The following RNF220 variants were observed in gnomAD, a reference collection of about 807,000 sequenced individuals.
The protein encoded by RNF220 is E3 ubiquitin-protein ligase RNF220.
Under a neutral mutation model 67.1 loss-of-function variants are expected in RNF220, and 7 were observed. The observed-to-expected ratio is 0.10, with a 90% confidence interval of 0.06 to 0.20. The LOEUF is 0.20. Among genes scored for constraint, RNF220 ranks in the 10% least tolerant of loss-of-function variants. The pLI is 1.00. For synonymous variants in RNF220, 270 were observed against 283.2 expected (o/e 0.95, Z 0.47); for missense variants, 565 against 740.3 (o/e 0.76, Z 2.75).
chr1:44,641,083 T>A (rs1333752315), intron 8 of RNF220, among the ~76,000 whole-genome samples: 1 of 151,926 alleles, frequency 6.6e-6, no homozygotes, highest in African/African-American at 2.4e-5. Flanking sequence ...CAGGAAGAAA[T>A]GAGTTTATGG....
intron 2 of RNF220, among the ~76,000 whole-genome samples, chr1:44,486,397 T>C (rs769542332): frequency 2.0e-4 from 30 of 152,214 alleles, no homozygotes; most frequent in Non-Finnish European, 4.1e-4. Context: ...CAGACATATG[T>C]TCTCTTCCCC....
In RNF220 at chr1:44,556,660, T is replaced by C. The variant is rs181242035; in HGVS notation, c.626-57505T>C. Reference sequence around the variant, plus strand: ...CTGCAAGCTCCGCCTCCCGGGTTCATGCCATTCTCCTGCCTCAGTCTCCCT... The same window carrying C: ...CTGCAAGCTCCGCCTCCCGGGTTCACGCCATTCTCCTGCCTCAGTCTCCCT... On this transcript the variant is annotated intron_variant, in intron 2 of 14. Coordinates refer to ENST00000361799, the MANE Select transcript of RNF220 (RefSeq NM_018150.4). Among the ~76,000 whole-genome samples, 748 of 151,246 alleles carry C rather than the reference T, an allele frequency of 4.9e-3. 7 individuals carry two copies. The highest frequency in any genetic ancestry group is 0.018 in the African/African-American group (727 of 40,790).
chr1:44,407,768 G>T (rs911817496), intron 1 of RNF220, among the ~76,000 whole-genome samples: 1 of 152,208 alleles, frequency 6.6e-6, no homozygotes, highest in African/African-American at 2.4e-5. Context: ...GTCCGTATTT[G>T]CAGGAGAAGC....
Position 44,555,757 on chromosome 1 carries a change from G to A in RNF220, c.626-58408G>A, listed in dbSNP as rs906492290. Among the ~76,000 whole-genome samples, 92 of 150,742 alleles carry A rather than the reference G, an allele frequency of 6.1e-4. 7 individuals carry two copies. Among genetic ancestry groups the A allele is most frequent in the African/African-American group, 2.2e-3 (87 of 40,336 alleles). Reference sequence around the variant, plus strand: ...CCCAAAGTGCTGAGATTACAGGCGTGAGCCACCGCGCCTGGCCTGAATGTA... The same window carrying A: ...CCCAAAGTGCTGAGATTACAGGCGTAAGCCACCGCGCCTGGCCTGAATGTA... On this transcript the variant is annotated intron_variant, in intron 2 of 14. Coordinates refer to ENST00000361799, the MANE Select transcript of RNF220 (RefSeq NM_018150.4).
intron 2 of RNF220, among the ~76,000 whole-genome samples, chr1:44,561,253 T>C (rs1177189829): frequency 6.6e-6 from 1 of 152,250 alleles, no homozygotes; most frequent in Admixed American, 6.5e-5. Flanking sequence ...GGCTCACGCC[T>C]GTAATCCCAG....
intron 2 of RNF220, among the ~76,000 whole-genome samples, chr1:44,597,014 A>G (rs1666546225): frequency 1.3e-5 from 2 of 152,230 alleles, no homozygotes; most frequent in African/African-American, 4.8e-5. Flanking sequence ...GATAAGGGAC[A>G]TGGAAAAAGA....
intron 2 of RNF220, among the ~76,000 whole-genome samples, chr1:44,603,994 C>G (rs140430100): frequency 6.6e-6 from 1 of 152,260 alleles, no homozygotes; most frequent in East Asian, 1.9e-4. Context: ...ATAAGCCCAT[C>G]GTCAGAACCA....
At chr1:44,587,336 C>T (rs1278310253) in intron 2 of RNF220, among the ~76,000 whole-genome samples, 1 of 151,848 alleles carries the variant, frequency 6.6e-6, no homozygotes, top group East Asian at 1.9e-4. Context: ...TTAGTGAAGA[C>T]AGGTTTCACC....
intron 12 of RNF220, among the ~76,000 whole-genome samples, chr1:44,646,784 G>A (rs1204478620): frequency 9.2e-5 from 14 of 152,224 alleles, no homozygotes; most frequent in Admixed American, 9.2e-4. Flanking sequence ...ATGAGGTGGA[G>A]ACTGGCTCAG....
chr1:44,598,426 C>T (rs1347305772), intron 2 of RNF220, among the ~76,000 whole-genome samples: 1 of 152,212 alleles, frequency 6.6e-6, no homozygotes, highest in Non-Finnish European at 1.5e-5. Flanking sequence ...CGTGAATTCT[C>T]CACGACACTA....
intron 2 of RNF220, among the ~76,000 whole-genome samples, chr1:44,482,994 G>A (rs752725518): frequency 2.2e-5 from 3 of 133,766 alleles, no homozygotes; most frequent in Non-Finnish European, 4.6e-5. Context: ...GCAGTGGAAC[G>A]ATCGTGGCTT....
chr1:44,413,022 G>T (rs1557900285), intron 2 of RNF220, among the ~76,000 whole-genome samples: 1 of 152,204 alleles, frequency 6.6e-6, no homozygotes, highest in Non-Finnish European at 1.5e-5. Flanking sequence ...ACGTACTGAA[G>T]TGAATGTCAT....
chr1:44,412,508 G>A lies in RNF220; in HGVS notation c.411G>A (p.Thr137=), dbSNP rs749991415. 18 of 1,613,606 alleles carry A rather than the reference G, an allele frequency of 1.1e-5. No individual in the cohort carries two copies. Among genetic ancestry groups the A allele is most frequent in the East Asian group, 4.5e-5 (2 of 44,884 alleles). ...GGGAGAGCTATCAGTCAGCCTTTAC[G>A]CCGGCCAAGCGACTTAAGAACTGCC... ...EDRESYQSAF[T]PAKRLKNCHD... is the part of the protein sequence containing the mutation. The change falls in exon 2 of 15, where the codon ACG becomes ACA. Residue 137 remains threonine (T), a synonymous_variant. Coordinates refer to ENST00000361799, the MANE Select transcript of RNF220 (RefSeq NM_018150.4). The surrounding 1 kb of genome is among the most constrained non-coding windows in gnomAD (Gnocchi z 5.3).
In RNF220 at chr1:44,412,844, A is replaced by G. The variant is rs1648112122; in HGVS notation, c.625+122A>G. 9.2e-7 allele frequency: 1 copy of G among 1,083,634 alleles called. No homozygotes were observed. The highest frequency in any genetic ancestry group is 1.3e-6 in the Non-Finnish European group (1 of 745,228). 67.1% of individuals were successfully genotyped at this position (1,083,634 alleles called of 1,614,324 possible). A position where few individuals can be genotyped will look rare whatever the true frequency, so the allele number is the denominator to read the frequency against. ...AGGAAGGGCCAACTACTTCCCTTTC[A>G]CTAGCTGTGGAGTGCTAACCTTTGC... On this transcript the variant is annotated intron_variant, in intron 2 of 14. Transcript: ENST00000361799. The surrounding 1 kb of genome is among the most constrained non-coding windows in gnomAD (Gnocchi z 5.3).
At chr1:44,571,121 A>C (rs1301413063) in intron 2 of RNF220, among the ~76,000 whole-genome samples, 1 of 151,716 alleles carries the variant, frequency 6.6e-6, no homozygotes, top group Non-Finnish European at 1.5e-5. Flanking sequence ...CTCTGCTCCT[A>C]ACTTTTCCAG....
intron 2 of RNF220, chr1:44,545,419 G>A (rs889003228): frequency 6.5e-6 from 1 of 154,298 alleles, no homozygotes; most frequent in Admixed American, 6.5e-5. Context: ...TTATCCTCAG[G>A]CACTCAGCAA....
intron 2 of RNF220, among the ~76,000 whole-genome samples, chr1:44,506,956 TC>T (rs1658487850): frequency 6.6e-6 from 1 of 152,164 alleles, no homozygotes; most frequent in South Asian, 2.1e-4. Flanking sequence ...CATCATGCCC[TC>T]AGGCCAAAGG....
rs183174478 is a variant in RNF220, at chr1:44,439,637, G to A, written c.625+26915G>A. Among the ~76,000 whole-genome samples, 1,233 of 152,082 alleles carry A rather than the reference G, an allele frequency of 8.1e-3. 5 individuals are homozygous for A. The highest frequency in any genetic ancestry group is 0.012 in the Non-Finnish European group (814 of 67,976). ...CCTTAAGTTTTTACTTTTTAACAAG[G>A]CATTTTATCATTTTTTTTTCCCTTT... On this transcript the variant is annotated intron_variant, in intron 2 of 14. Coordinates refer to ENST00000361799, the MANE Select transcript of RNF220 (RefSeq NM_018150.4).
chr1:44,628,220 G>A (rs72671950), intron 5 of RNF220, among the ~76,000 whole-genome samples: 6,508 of 152,258 alleles, frequency 0.043, 314 homozygotes, highest in African/African-American at 0.1. Context: ...CTGCACTCAC[G>A]GCATGCGCCT....
Sources: gnomAD v4.1 joint callset for allele counts (sites outside exome capture counted in the v4.1 genomes callset) on GRCh38, gnomAD v4.1.1 for gene constraint, Gnocchi (gnomAD v3.1) non-coding constraint, MANE v1.5 for transcripts, NCBI Gene and HGNC (gene_info 2026-07-23, HGNC 2026-07-21) for gene names.